RALYL: variants seen among roughly 807,000 people sequenced by gnomAD.
RALYL encodes RALY RNA binding protein like, also known as RNA-binding Raly-like protein.
In RALYL, 29 loss-of-function variants were observed where a neutral mutation model predicts 35.1. That is an observed-to-expected ratio of 0.83 (90% confidence interval 0.61 to 1.13). The LOEUF is 1.13. RALYL is among the 50% of genes most tolerant of loss of function. The probability of loss-of-function intolerance (pLI) is 0.00; values close to 1 mark genes in which losing one functional copy is unlikely to be tolerated. For synonymous variants in RALYL, 120 were observed against 127.6 expected, an observed-to-expected ratio of 0.94 and a Z score of 0.40; for missense variants, 359 against 360.4, an observed-to-expected ratio of 1.00 and a Z score of 0.03.
chr8:84,914,234 G>A (rs112281779), intron 8 of RALYL, among the ~76,000 whole-genome samples: 3,346 of 152,084 alleles, frequency 0.022, 128 homozygotes, highest in African/African-American at 0.076. Context: ...CTTAGCATTA[G>A]TCAGCACTTG....
Position 84,427,133 on chromosome 8 carries a change from G to A in RALYL, c.-23-102166G>A, listed in dbSNP as rs549941640. Among the ~76,000 whole-genome samples, 8 of 152,266 alleles carry A rather than the reference G, an allele frequency of 5.3e-5. No homozygotes were observed. In the South Asian group the frequency reaches 1.7e-3, roughly 32 times the overall value. ...ATTTTCTAAGACAAAATTTAAAGGG[G>A]CAGTTTCACCCCAGATATGCCCAAT... On this transcript the variant is annotated intron_variant, in intron 1 of 8. Coordinates refer to ENST00000521268, the MANE Select transcript of RALYL (RefSeq NM_173848.7).
At chr8:84,312,086 A>G (rs1479581969) in intron 1 of RALYL, among the ~76,000 whole-genome samples, 1 of 152,170 alleles carries the variant, frequency 6.6e-6, no homozygotes, top group Non-Finnish European at 1.5e-5. Flanking sequence ...GTGGAAGGTG[A>G]AGGGGAAGCA....
chr8:84,535,438 CTT>C (rs35056318), intron 2 of RALYL, among the ~76,000 whole-genome samples: 3 of 134,604 alleles, frequency 2.2e-5, no homozygotes, highest in Non-Finnish European at 3.1e-5. Flanking sequence ...GCATCCCTGC[CTT>C]TTTTTTTTTT....
Position 84,774,573 on chromosome 8 carries a change from T to C in RALYL, c.257-6T>C, listed in dbSNP as rs1162458632. ...TAATCAGTACTGTTTTATTTTATGC[T>C]TTCAGATATCAACATGGCAGGAGAG... is the stretch of plus-strand genomic sequence containing the variant. On this transcript the variant is annotated splice_polypyrimidine_tract_variant and splice_region_variant and intron_variant, in intron 2 of 8. Coordinates refer to ENST00000521268, the MANE Select transcript of RALYL (RefSeq NM_173848.7). 4 of 1,591,368 alleles carry C rather than the reference T, an allele frequency of 2.5e-6. No homozygotes were observed. The highest frequency in any genetic ancestry group is 1.1e-5 in the South Asian group (1 of 88,162).
chr8:84,681,249 C>T (rs1175749024), intron 2 of RALYL, among the ~76,000 whole-genome samples: 16 of 151,988 alleles, frequency 1.1e-4, no homozygotes, highest in South Asian at 2.1e-4. Context: ...TTTTGGTTCC[C>T]GTAGCCTTGT....
chr8:84,698,847 T>C (rs1839655802), intron 2 of RALYL, among the ~76,000 whole-genome samples: 1 of 152,092 alleles, frequency 6.6e-6, no homozygotes. Flanking sequence ...CACTTGCTGG[T>C]CCCCACCATT....
In RALYL at chr8:84,458,870, A is replaced by G. The variant is rs374003316; in HGVS notation, c.-23-70429A>G. On this transcript the variant is annotated intron_variant, in intron 1 of 8. Transcript: ENST00000521268. ...TCTAAAGCCATCTTATATTTTAAGT[A>G]GATGATTTTCAGCAGATCACCTTCT... 9.2e-5 allele frequency among the ~76,000 whole-genome samples: 14 copies of G among 151,926 alleles called. No individual in the cohort carries two copies. In the South Asian group the frequency reaches 1.4e-3, roughly 16 times the overall value.
intron 2 of RALYL, among the ~76,000 whole-genome samples, chr8:84,768,737 A>C (rs1814708123): frequency 6.6e-6 from 1 of 152,200 alleles, no homozygotes; most frequent in African/African-American, 2.4e-5. Context: ...AACTGTCATA[A>C]CTCGGCGACC....
At chr8:84,552,353 TATA>T (rs1208081099) in intron 2 of RALYL, among the ~76,000 whole-genome samples, 2 of 83,264 alleles carry the variant, frequency 2.4e-5, no homozygotes, top group African/African-American at 1.2e-4. Context: ...TATATATATA[TATA>T]TATTTTTTTT....
chr8:84,575,997 T>G (rs1056863778), intron 2 of RALYL, among the ~76,000 whole-genome samples: 3 of 150,274 alleles, frequency 2.0e-5, no homozygotes, highest in Non-Finnish European at 4.4e-5. Context: ...ATATTGGATA[T>G]GAAACAAGTT....
At chr8:84,860,321 G>A (rs1001676126) in intron 5 of RALYL, among the ~76,000 whole-genome samples, 6 of 152,082 alleles carry the variant, frequency 3.9e-5, no homozygotes, top group Non-Finnish European at 8.8e-5. Flanking sequence ...TGGTGTCCTA[G>A]GGAAATGGTC....
intron 2 of RALYL, among the ~76,000 whole-genome samples, chr8:84,687,016 G>C (rs1217839814): frequency 6.6e-6 from 1 of 152,014 alleles, no homozygotes; most frequent in African/African-American, 2.4e-5. Flanking sequence ...CACATACTTT[G>C]AAATAACAAA....
chr8:84,624,387 A>T (rs939306556), intron 2 of RALYL, among the ~76,000 whole-genome samples: 2 of 152,160 alleles, frequency 1.3e-5, no homozygotes, highest in African/African-American at 4.8e-5. Flanking sequence ...AGGCTATAGG[A>T]AAGAATCCTT....
intron 2 of RALYL, among the ~76,000 whole-genome samples, chr8:84,673,586 T>A (rs887911086): frequency 6.6e-6 from 1 of 152,206 alleles, no homozygotes; most frequent in African/African-American, 2.4e-5. Context: ...AGTTTTAATC[T>A]TCTGCATATG....
At chr8:84,307,386 A>G (rs932906775) in intron 1 of RALYL, among the ~76,000 whole-genome samples, 1 of 152,210 alleles carries the variant, frequency 6.6e-6, no homozygotes, top group African/African-American at 2.4e-5. Flanking sequence ...GGCTTAAGTT[A>G]AAGGTTAGCC....
chr8:84,189,508 G>A (rs1813344537), intron 1 of RALYL, among the ~76,000 whole-genome samples: 1 of 152,028 alleles, frequency 6.6e-6, no homozygotes, highest in Non-Finnish European at 1.5e-5. Context: ...AGATGAGAGG[G>A]AAAGAAATTG....
upstream of RALYL, chr8:84,182,892 G>T (rs1165089999): frequency 6.5e-6 from 1 of 152,796 alleles, no homozygotes; most frequent in Non-Finnish European, 1.5e-5. Context: ...ATGAGTGAAT[G>T]TGGGCTTGAA....
At chr8:84,665,723 C>G (rs967634186) in intron 2 of RALYL, 11 of 151,750 alleles carry the variant, frequency 7.2e-5, no homozygotes, top group Non-Finnish European at 1.3e-4. Context: ...AGCTAGAAGT[C>G]TATTTTATTA....
chr8:84,731,777 C>T (rs946150279), intron 2 of RALYL, among the ~76,000 whole-genome samples: 1 of 152,110 alleles, frequency 6.6e-6, no homozygotes, highest in African/African-American at 2.4e-5. Flanking sequence ...AAAAAACTAT[C>T]GCTTTCTATT....
Sources: gnomAD v4.1 joint callset for allele counts (sites outside exome capture counted in the v4.1 genomes callset) on GRCh38, gnomAD v4.1.1 for gene constraint, MANE v1.5 for transcripts, NCBI Gene and HGNC (gene_info 2026-07-23, HGNC 2026-07-21) for gene names.